Variants in SRSF7 observed in about 807,000 individuals in gnomAD.
SRSF7 encodes the protein serine/arginine-rich splicing factor 7.
SRSF7 carries 15 observed loss-of-function variants against 42.2 expected under a neutral mutation model. The observed-to-expected ratio is 0.36, with a 90% CI of 0.24 to 0.55. The LOEUF (loss-of-function observed/expected upper bound fraction) is 0.55. Ranked by LOEUF, SRSF7 falls within the 20% of genes least tolerant of loss-of-function variation. The probability of loss-of-function intolerance (pLI) is 0.88; values close to 1 mark genes in which losing one functional copy is unlikely to be tolerated. For missense variants in SRSF7, 181 were observed against 305.9 expected (o/e 0.59, Z 3.04); for synonymous variants, 138 against 107.9 (o/e 1.28, Z -1.73).
rs1467763662 is a variant in SRSF7 at position 38,747,802 on chromosome 2, GAGT to G, written c.572+242_572+244del. Among the ~76,000 whole-genome samples the G allele has an allele frequency of 2.6e-5, 4 of 152,306 alleles. No homozygotes were observed. In the East Asian group the frequency reaches 7.7e-4, roughly 29 times the overall value. ...TAGCAACATGCCTACCCAGAGTGTT[GAGT>G]AGAACTGTATTGCTTGGGACCCTTG... On this transcript the variant is annotated intron_variant, in intron 5 of 7. Coordinates refer to ENST00000313117, the MANE Select transcript of SRSF7 (RefSeq NM_001031684.3).
chr2:38,748,489 T>G lies in SRSF7; in HGVS notation c.461+90A>C, dbSNP rs1268773932. The stretch of plus-strand genomic sequence containing the variant: ...GCCCGGGTGACAGAGCAAGACCCTG[T>G]CTCCAAAAAAAATAATGAGCTTTTT... On this transcript the variant is annotated intron_variant, in intron 4 of 7. Coordinates refer to ENST00000313117, the MANE Select transcript of SRSF7 (RefSeq NM_001031684.3). The G allele has an allele frequency of 2.2e-6, 3 of 1,346,830 alleles. No homozygotes were observed. In the African/African-American group the frequency reaches 4.3e-5, roughly 19 times the overall value. The allele number at this position is 1,346,830 out of a possible 1,614,324, so 83.4% of individuals were successfully genotyped here. A position where few individuals can be genotyped will look rare whatever the true frequency, so the allele number is the denominator to read the frequency against.
At chr2:38,746,816 C>G (rs1403139481) in intron 5 of SRSF7, 69 bp from the exon 6 acceptor site, 6 of 1,601,538 alleles carry the variant, frequency 3.7e-6, no homozygotes, top group Non-Finnish European at 5.1e-6. Context: ...CTACTCAACA[C>G]TGTATTAGGT....
Position 38,745,185 on chromosome 2 carries a change from C to T in SRSF7, c.665G>A (p.Arg222His). The T allele has an allele frequency of 7.4e-6, 12 of 1,613,994 alleles. No individual in the cohort carries two copies. The highest frequency in any genetic ancestry group is 3.3e-5 in the South Asian group (3 of 91,084). The change falls in exon 8 of 8, where the codon CGT becomes CAT. Residue 222 changes from arginine to histidine, a missense_variant and splice_region_variant. By Grantham distance (29) the Arg-to-His change is conservative. This residue lies in a region of SRSF7 where 136 missense variants were observed against 147.8 expected (regional missense o/e 0.92). Transcript: ENST00000313117. Reference sequence around the variant, plus strand: ...TCTGCGAGGACTTCCTGATGGGGAACGACTAAAAAGAAAAACATTAGGTTT... The same window carrying T: ...TCTGCGAGGACTTCCTGATGGGGAATGACTAAAAAGAAAAACATTAGGTTT... ...KSRSPSPKRS[R>H]SPSGSPRRSA...
chr2:38,746,766 A>C lies in SRSF7; in HGVS notation c.573-19T>G, dbSNP rs139376778. On this transcript the variant is annotated intron_variant, in intron 5 of 7. Transcript: ENST00000313117. The stretch of plus-strand genomic sequence containing the variant: ...CGGGGATCTTAATAAAAAAAGTGAA[A>C]AACACAATTATATCAATCAGTCCAA... 2.0e-4 allele frequency: 327 copies of C among 1,613,364 alleles called. No homozygotes were observed. Among genetic ancestry groups the C allele is most frequent in the Non-Finnish European group, 2.6e-4 (304 of 1,179,890 alleles).
At chr2:38,748,966 A>G in intron 3 of SRSF7, 1 of 1,304,490 alleles carries the variant, frequency 7.7e-7, no homozygotes, top group Non-Finnish European at 9.9e-7. Flanking sequence ...AGAAGTATCT[A>G]TAGCCGATCG....
chr2:38,748,276 G>A (rs531868614), intron 4 of SRSF7, 119 bp from the exon 5 acceptor site: 291 of 769,596 alleles, frequency 3.8e-4, no homozygotes, highest in African/African-American at 5.3e-4. Context: ...CGGGAGGATC[G>A]TTTGAGCCCA....
chr2:38,747,002 AT>A (rs912892341), intron 5 of SRSF7: 2 of 652,694 alleles, frequency 3.1e-6, no homozygotes, highest in African/African-American at 3.6e-5. Flanking sequence ...ACTGTGTAAT[AT>A]CCAAGGGAAA....
In SRSF7 at chr2:38,746,294, T is replaced by TA. The variant is rs1459379908; in HGVS notation, c.627-116dup. 1.1e-5 allele frequency: 13 copies of TA among 1,199,022 alleles called. No individual in the cohort carries two copies. The African/African-American group carries it at 1.2e-4, about 11-fold the overall frequency. The allele number at this position is 1,199,022 out of a possible 1,614,324, so 74.3% of individuals were successfully genotyped here. ...TAAGCTTAAAATGTCAGACTGCACT[T>TA]AAACTGAAAAACATCCTACCAGTTG... On this transcript the variant is annotated intron_variant, in intron 6 of 7. Transcript: ENST00000313117.
chr2:38,746,158 T>TG lies in SRSF7; in HGVS notation c.647dup (p.Ser217IlefsTer19). On this transcript the variant is annotated frameshift_variant, in exon 7 of 8. Transcript: ENST00000313117. LOFTEE classifies it high-confidence loss of function. Reference sequence around the variant, plus strand: ...ATTTAGCTTACCTTCTTTTTGGAGATGGAGATCTGGACTTTGATCGGCTGT... The same window carrying TG: ...ATTTAGCTTACCTTCTTTTTGGAGATGGGAGATCTGGACTTTGATCGGCTGT... 1 of 1,614,122 alleles carries TG rather than the reference T, an allele frequency of 6.2e-7. No individual in the cohort carries two copies. The highest frequency in any genetic ancestry group is 8.5e-7 in the Non-Finnish European group (1 of 1,180,008).
At chr2:38,750,931 GA>G in intron 1 of SRSF7, 1 of 383,304 alleles carries the variant, frequency 2.6e-6, no homozygotes, top group Non-Finnish European at 4.9e-6. Context: ...GGCGGGGGGG[GA>G]GGGGGGCCGG....
At chr2:38,747,536 G>C (rs900290532) in intron 5 of SRSF7, among the ~76,000 whole-genome samples, 1 of 151,614 alleles carries the variant, frequency 6.6e-6, no homozygotes, top group Non-Finnish European at 1.5e-5. Context: ...TAAAGCTCTG[G>C]TTCTTTAGTT....
chr2:38,747,067 T>C (rs1325714101), intron 5 of SRSF7: 1 of 508,312 alleles, frequency 2.0e-6, no homozygotes, highest in South Asian at 1.5e-5. Flanking sequence ...CTAACCTCAC[T>C]TAAGGCACAG....
At chr2:38,746,337 TC>T (rs1310212540) in intron 6 of SRSF7, among the ~76,000 whole-genome samples, 158 bp from the exon 7 acceptor site, 1 of 152,218 alleles carries the variant, frequency 6.6e-6, no homozygotes, top group Non-Finnish European at 1.5e-5. Flanking sequence ...CAAAAGCCAA[TC>T]TTTCAACAAC....
At chr2:38,746,255 A>G in intron 6 of SRSF7, 76 bp from the exon 7 acceptor site, 1 of 1,499,356 alleles carries the variant, frequency 6.7e-7, no homozygotes, top group Non-Finnish European at 9.3e-7. Context: ...ATACCGTAAA[A>G]CCCCCAAATG....
intron 5 of SRSF7, 119 bp downstream of exon 5, chr2:38,747,928 C>G (rs1357333451): frequency 3.0e-6 from 2 of 663,368 alleles, no homozygotes; most frequent in Non-Finnish European, 5.0e-6. Context: ...CACATAAATT[C>G]CAAACTTTTA....
In SRSF7 at chr2:38,748,577, A is replaced by G; in HGVS notation, c.461+2T>C. Reference sequence around the variant, plus strand: ...AAAGACTTCAGTTAAACAAGATCTCACCTTCGTCCCCTGCTCCTGCTGCGT... The same window carrying G: ...AAAGACTTCAGTTAAACAAGATCTCGCCTTCGTCCCCTGCTCCTGCTGCGT... On this transcript the variant is annotated splice_donor_variant, in intron 4 of 7. Coordinates refer to ENST00000313117, the MANE Select transcript of SRSF7 (RefSeq NM_001031684.3). LOFTEE classifies it high-confidence loss of function. The G allele has an allele frequency of 6.2e-7, 1 of 1,613,648 alleles. No individual in the cohort carries two copies. The highest frequency in any genetic ancestry group is 8.5e-7 in the Non-Finnish European group (1 of 1,179,568).
intron 5 of SRSF7, among the ~76,000 whole-genome samples, chr2:38,747,587 C>T (rs1052295374): frequency 6.6e-6 from 1 of 152,050 alleles, no homozygotes; most frequent in Non-Finnish European, 1.5e-5. Context: ...AATCCACATT[C>T]ATTTCTGTGT....
intron 1 of SRSF7, 148 bp from the exon 2 acceptor site, chr2:38,750,342 T>A: frequency 1.6e-6 from 1 of 642,040 alleles, no homozygotes; most frequent in Non-Finnish European, 2.5e-6. Flanking sequence ...GTCGTAAAAC[T>A]GGTGAAAGTC....
chr2:38,747,567 TAAAA>T (rs374964528), intron 5 of SRSF7, among the ~76,000 whole-genome samples: 4 of 148,250 alleles, frequency 2.7e-5, no homozygotes, highest in African/African-American at 9.9e-5. Flanking sequence ...TGAAACGGTC[TAAAA>T]AAAAAAATCC....
Sources: allele counts gnomAD v4.1 joint callset (sites outside exome capture counted in the v4.1 genomes callset), GRCh38; gene constraint gnomAD v4.1.1; regional missense constraint gnomAD v4.1.1; transcripts MANE v1.5; gene names NCBI Gene and HGNC (gene_info 2026-07-23, HGNC 2026-07-21).